FIGN: variants seen among roughly 807,000 people sequenced by gnomAD.
FIGN encodes the protein fidgetin, microtubule severing factor.
Under a neutral mutation model 51.3 loss-of-function variants are expected in FIGN, and 11 were observed. That is an observed-to-expected ratio of 0.21 (90% CI 0.13 to 0.35). The LOEUF is 0.35. Among genes scored for constraint, FIGN ranks in the 10% least tolerant of loss-of-function variants. FIGN has a pLI of 1.00. For missense variants in FIGN, 857 were observed against 943.6 expected (o/e 0.91, Z 1.20); for synonymous variants, 407 against 363.2 (o/e 1.12, Z -1.37).
At chr2:163,677,302 C>T (rs1683988255) in intron 2 of FIGN, among the ~76,000 whole-genome samples, 1 of 152,188 alleles carries the variant, frequency 6.6e-6, no homozygotes, top group Non-Finnish European at 1.5e-5. Flanking sequence ...ACATAACTAC[C>T]CATAACATCC....
chr2:163,610,521 G>A lies in FIGN; in HGVS notation c.1311C>T (p.Leu437=), dbSNP rs1020018427. 1 of 1,614,012 alleles carries A rather than the reference G, an allele frequency of 6.2e-7. No homozygotes were observed. The highest frequency in any genetic ancestry group is 8.5e-7 in the Non-Finnish European group (1 of 1,180,036). ...CAGGGCCTTGCATTGGGTGAGAGAG[G>A]AGCTGCCTGTGCTCGTCCCCATGCT... The part of the protein sequence containing the change: ...MSEHGDEHRQ[L]LSHPMQGPGL... The change falls in exon 3 of 3, where the codon CTC becomes CTT. Residue 437 remains leucine (L), a synonymous_variant. Transcript: ENST00000333129.
chr2:163,694,721 T>C (rs1192134034), intron 2 of FIGN, among the ~76,000 whole-genome samples: 1 of 152,178 alleles, frequency 6.6e-6, no homozygotes, highest in Non-Finnish European at 1.5e-5. Context: ...TCAATCATTT[T>C]ACTACTTCAC....
In FIGN at chr2:163,675,267, G is replaced by A. The variant is rs534213915; in HGVS notation, c.25+59636C>T. ...CTCTGTTTAATCAAGAGAGTATATT[G>A]TTTTTGTTCTTGTTTTGCAAGATCT... On this transcript the variant is annotated intron_variant, in intron 2 of 2. Coordinates refer to ENST00000333129, the MANE Select transcript of FIGN (RefSeq NM_018086.4). Among the ~76,000 whole-genome samples the A allele has an allele frequency of 5.9e-5, 9 of 152,252 alleles. No individual in the cohort carries two copies. The South Asian group carries it at 1.9e-3, about 32-fold the overall frequency.
intron 2 of FIGN, among the ~76,000 whole-genome samples, chr2:163,678,854 C>T (rs1404566949): frequency 6.6e-6 from 1 of 152,100 alleles, no homozygotes; most frequent in Non-Finnish European, 1.5e-5. Context: ...AATAATACAA[C>T]CTCAGTTTTA....
In FIGN at chr2:163,644,298, G is replaced by C. The variant is rs2105318185; in HGVS notation, c.26-32492C>G. ...TTTGAATAGACATTTCTCCAAGGAA[G>C]ACATCTAAATAGCCAATAAGCACAT... is the stretch of plus-strand genomic sequence containing the variant. On this transcript the variant is annotated intron_variant, in intron 2 of 2. Coordinates refer to ENST00000333129, the MANE Select transcript of FIGN (RefSeq NM_018086.4). 2.6e-5 allele frequency among the ~76,000 whole-genome samples: 4 copies of C among 152,126 alleles called. No individual in the cohort carries two copies. The Middle Eastern group carries it at 0.014, about 517-fold the overall frequency.
chr2:163,715,114 T>C (rs966907962), intron 2 of FIGN, among the ~76,000 whole-genome samples: 8 of 152,194 alleles, frequency 5.3e-5, no homozygotes, highest in African/African-American at 1.4e-4. Context: ...GCTTATACTG[T>C]CTGTGGCTAT....
intron 2 of FIGN, among the ~76,000 whole-genome samples, chr2:163,733,785 G>C (rs1170417702): frequency 2.6e-5 from 4 of 152,054 alleles, no homozygotes. Flanking sequence ...TCCTCTCTTC[G>C]TATTCACATT....
At chr2:163,679,221 TG>T (rs1325674698) in intron 2 of FIGN, among the ~76,000 whole-genome samples, 1 of 151,850 alleles carries the variant, frequency 6.6e-6, no homozygotes, top group Non-Finnish European at 1.5e-5. Context: ...AGGCTGGGCG[TG>T]GCGACTCACA....
chr2:163,723,298 T>C (rs573524673), intron 2 of FIGN, among the ~76,000 whole-genome samples: 13 of 152,280 alleles, frequency 8.5e-5, no homozygotes, highest in Admixed American at 7.8e-4. Context: ...TGAATTCCTA[T>C]TATAGGTCTT....
At chr2:163,620,901 G>A (rs1043100187) in intron 2 of FIGN, among the ~76,000 whole-genome samples, 6 of 146,450 alleles carry the variant, frequency 4.1e-5, no homozygotes, top group Non-Finnish European at 3.0e-5. Flanking sequence ...CTATCTAAAT[G>A]CAAAGCCCAA....
Position 163,610,466 on chromosome 2 carries a change from A to C in FIGN, c.1366T>G (p.Ser456Ala). The stretch of plus-strand genomic sequence containing the variant: ...GTATTCTTCAGTTGCTCGTCCACAG[A>C]GTGGTTGGATGAGGTAGCTGCACGG... ...GLRAATSSNH[S>A]VDEQLKNTDT... is the part of the protein sequence containing the mutation. Residue 456 changes from serine to alanine, a missense_variant, in exon 3 of 3, where the codon TCT becomes GCT. Around this residue, in one of 3 missense-constraint regions of FIGN, gnomAD observed 799 missense variants for 849.5 expected, o/e 0.94. Coordinates refer to ENST00000333129, the MANE Select transcript of FIGN (RefSeq NM_018086.4). The C allele has an allele frequency of 6.2e-7, 1 of 1,613,996 alleles. No individual in the cohort carries two copies. Among genetic ancestry groups the C allele is most frequent in the Non-Finnish European group, 8.5e-7 (1 of 1,180,014 alleles).
intron 2 of FIGN, among the ~76,000 whole-genome samples, chr2:163,629,338 G>A (rs754934090): frequency 6.6e-6 from 1 of 152,150 alleles, no homozygotes; most frequent in Non-Finnish European, 1.5e-5. Context: ...AACAGGCAAT[G>A]AACAGACTAG....
intron 2 of FIGN, among the ~76,000 whole-genome samples, chr2:163,733,803 G>A (rs1401278252): frequency 6.6e-6 from 1 of 152,146 alleles, no homozygotes; most frequent in Non-Finnish European, 1.5e-5. Context: ...ATTTGTGTTA[G>A]GAGAGAGCAG....
intron 2 of FIGN, among the ~76,000 whole-genome samples, chr2:163,704,346 C>T (rs1449545204): frequency 6.6e-6 from 1 of 151,888 alleles, no homozygotes; most frequent in East Asian, 1.9e-4. Context: ...TAAACTGAGG[C>T]ATAAAGTGGC....
intron 2 of FIGN, among the ~76,000 whole-genome samples, chr2:163,643,105 G>T (rs1217870280): frequency 6.6e-6 from 1 of 152,128 alleles, no homozygotes; most frequent in African/African-American, 2.4e-5. Context: ...AAAGCAGGAG[G>T]AGTCACAGTT....
chr2:163,613,127 C>G (rs1682794152), intron 2 of FIGN, among the ~76,000 whole-genome samples: 1 of 151,916 alleles, frequency 6.6e-6, no homozygotes, highest in Admixed American at 6.6e-5. Flanking sequence ...TATAATGTAC[C>G]CTCGAGGTCT....
chr2:163,612,579 G>T lies in FIGN; in HGVS notation c.26-773C>A, dbSNP rs1211867585. The stretch of plus-strand genomic sequence containing the variant: ...CTTTCTGCCTCTCAGTTCTGTTGTT[G>T]AGTCTCTGAAAAAAAAAACAAGCAT... On this transcript the variant is annotated intron_variant, in intron 2 of 2. Coordinates refer to ENST00000333129, the MANE Select transcript of FIGN (RefSeq NM_018086.4). 1.0e-5 allele frequency: 10 copies of T among 980,648 alleles called. No individual in the cohort carries two copies. In the South Asian group the frequency reaches 4.3e-4, roughly 42 times the overall value. 60.7% of individuals were successfully genotyped at this position (980,648 alleles called of 1,614,324 possible). A position where few individuals can be genotyped will look rare whatever the true frequency, so the allele number is the denominator to read the frequency against.
chr2:163,656,966 G>A (rs1170323065), intron 2 of FIGN, among the ~76,000 whole-genome samples: 3 of 152,200 alleles, frequency 2.0e-5, no homozygotes, highest in African/African-American at 7.2e-5. Context: ...TGTTCTGAAT[G>A]TATATGGAAA....
intron 2 of FIGN, among the ~76,000 whole-genome samples, chr2:163,634,823 T>G (rs1683201049): frequency 6.6e-6 from 1 of 152,226 alleles, no homozygotes; most frequent in South Asian, 2.1e-4. Flanking sequence ...CAGCCAAATT[T>G]GGCACTTACT....
Sources: gnomAD v4.1 joint callset for allele counts (sites outside exome capture counted in the v4.1 genomes callset) on GRCh38, gnomAD v4.1.1 for gene constraint, gnomAD v4.1.1 regional missense constraint, MANE v1.5 for transcripts, NCBI Gene and HGNC (gene_info 2026-07-23, HGNC 2026-07-21) for gene names.